The following ZDHHC6 variants were observed in gnomAD, a reference collection of about 807,000 sequenced individuals.
ZDHHC6 encodes palmitoyltransferase ZDHHC6.
A neutral mutation model predicts 57.8 loss-of-function variants in ZDHHC6; 32 were observed. The observed-to-expected ratio is 0.55, with a 90% confidence interval of 0.42 to 0.74. ZDHHC6 has a LOEUF of 0.74. ZDHHC6 is among the 30% of genes least tolerant of loss of function. The pLI is 0.00. For synonymous variants in ZDHHC6, 128 were observed against 158.0 expected (o/e 0.81, Z 1.42); for missense variants, 433 against 500.7 (o/e 0.86, Z 1.29).
At chr10:112,441,035 C>T (rs1846069285) in intron 4 of ZDHHC6, among the ~76,000 whole-genome samples, 1 of 152,034 alleles carries the variant, frequency 6.6e-6, no homozygotes, top group Non-Finnish European at 1.5e-5. Context: ...TTAGTAGAGA[C>T]AGGTGTCACC....
exon 12 of ZDHHC6, chr10:112,424,760 C>A (rs1440421227): frequency 6.6e-6 from 1 of 152,142 alleles, no homozygotes; most frequent in Non-Finnish European, 1.5e-5. Context: ...CTCCTCAGAC[C>A]AATTAGTTCA....
At chr10:112,447,559 C>T, upstream of ZDHHC6, 6 of 1,431,708 alleles carry the variant, frequency 4.2e-6, no homozygotes, top group South Asian at 1.2e-5. Flanking sequence ...GTCTATGAGG[C>T]GCGAGGCTGG....
At chr10:112,439,784 T>C (rs1475758819) in intron 5 of ZDHHC6, among the ~76,000 whole-genome samples, 1 of 151,916 alleles carries the variant, frequency 6.6e-6, no homozygotes, top group Non-Finnish European at 1.5e-5. Flanking sequence ...TAGTTAACTG[T>C]TTAATATTAA....
rs144621655 is a variant in ZDHHC6, at chr10:112,438,089, T to C, written c.735+247A>G. Among the ~76,000 whole-genome samples the C allele has an allele frequency of 2.2e-3, 329 of 152,344 alleles. 2 individuals carry two copies. Among genetic ancestry groups the C allele is most frequent in the African/African-American group, 7.5e-3 (312 of 41,576 alleles). On this transcript the variant is annotated intron_variant, in intron 6 of 10. Coordinates refer to ENST00000369405, the MANE Select transcript of ZDHHC6 (RefSeq NM_022494.3). ...TGGTTTGACGTGTGGCTTAGGCCTC[T>C]GCGACCACTCAGGGTGTATGAGAAG...
chr10:112,440,440 C>A (rs1037282101), intron 5 of ZDHHC6, 94 bp downstream of exon 5: 2 of 1,296,570 alleles, frequency 1.5e-6, no homozygotes, highest in East Asian at 2.6e-5. Context: ...ATTTCCATTT[C>A]ATACTGGACA....
Position 112,442,296 on chromosome 10 carries a change from G to C in ZDHHC6, c.415C>G (p.Gln139Glu), listed in dbSNP as rs1846188317. Residue 139 changes from glutamine (Q) to glutamate (E), a missense_variant, in exon 4 of 11, where the codon CAA becomes GAA. Coordinates refer to ENST00000369405, the MANE Select transcript of ZDHHC6 (RefSeq NM_022494.3). Reference sequence around the variant, plus strand: ...AACAGTGTGAACGAAGCATGATTTTGGTAACCACAACAGTTGTTGATCCAA... The same window carrying C: ...AACAGTGTGAACGAAGCATGATTTTCGTAACCACAACAGTTGTTGATCCAA... ...CPWINNCCGY[Q>E]NHASFTLFLL... is the part of the protein sequence containing the mutation. The C allele has an allele frequency of 6.2e-7, 1 of 1,613,894 alleles. No individual in the cohort carries two copies. Among genetic ancestry groups the C allele is most frequent in the East Asian group, 2.2e-5 (1 of 44,840 alleles).
chr10:112,429,971 G>GT (rs1034849097), downstream of ZDHHC6, among the ~76,000 whole-genome samples: 8 of 151,628 alleles, frequency 5.3e-5, no homozygotes, highest in Admixed American at 2.6e-4. Context: ...GTTGTTGGGG[G>GT]GGGGGTGTGG....
downstream of ZDHHC6, chr10:112,426,515 A>G (rs992947062): frequency 3.1e-6 from 2 of 644,616 alleles, no homozygotes; most frequent in African/African-American, 3.7e-5. Flanking sequence ...TTTAAAAAAT[A>G]AAACTCTCTT....
At chr10:112,440,261 T>G (rs1407632107) in intron 5 of ZDHHC6, among the ~76,000 whole-genome samples, 1 of 152,186 alleles carries the variant, frequency 6.6e-6, no homozygotes, top group Non-Finnish European at 1.5e-5. Flanking sequence ...CAAGAGAGAC[T>G]GTACAGGTGA....
chr10:112,439,439 T>G (rs1845864100), intron 5 of ZDHHC6, among the ~76,000 whole-genome samples: 1 of 151,644 alleles, frequency 6.6e-6, no homozygotes. Flanking sequence ...AAGACCAGCC[T>G]GGCCAAGATG....
chr10:112,433,122 G>A, intron 8 of ZDHHC6, 118 bp downstream of exon 8: 1 of 736,176 alleles, frequency 1.4e-6, no homozygotes, highest in Admixed American at 3.7e-5. Context: ...AATGTATTAA[G>A]GAATACTATT....
intron 3 of ZDHHC6, 29 bp downstream of exon 3, chr10:112,443,486 C>G (rs1436462343): frequency 6.3e-7 from 1 of 1,593,628 alleles, no homozygotes; most frequent in Non-Finnish European, 8.6e-7. Context: ...GTTGATCAGT[C>G]CTCGCTGAAC....
intron 6 of ZDHHC6, among the ~76,000 whole-genome samples, chr10:112,434,754 T>C (rs532882221): frequency 2.0e-5 from 3 of 152,224 alleles, no homozygotes; most frequent in Non-Finnish European, 4.4e-5. Flanking sequence ...ATCTCATACA[T>C]AAAAAGTCCT....
rs774855252 is a variant in ZDHHC6, at chr10:112,438,359, T to C, written c.712A>G (p.Ile238Val). The C allele has an allele frequency of 8.7e-6, 12 of 1,375,860 alleles. No homozygotes were observed. Among genetic ancestry groups the C allele is most frequent in the African/African-American group, 1.5e-5 (1 of 67,292 alleles). 85.2% of individuals were successfully genotyped at this position (1,375,860 alleles called of 1,614,324 possible). A position where few individuals can be genotyped will look rare whatever the true frequency, so the allele number is the denominator to read the frequency against. ...MKIILRNKTS[I>V]ESWIEEKAKD... is the part of the protein sequence containing the mutation. Reference sequence around the variant, plus strand: ...ACCTTCTCTTCAATCCATGACTCAATAGAAGTTTTGTTTCTGAGAATTATT... The same window carrying C: ...ACCTTCTCTTCAATCCATGACTCAACAGAAGTTTTGTTTCTGAGAATTATT... Residue 238 changes from isoleucine (I) to valine (V), a missense_variant, in exon 6 of 11, where the codon ATT (isoleucine) becomes GTT (valine). Physicochemically the swap from Ile to Val is conservative, Grantham distance 29. Coordinates refer to ENST00000369405, the MANE Select transcript of ZDHHC6 (RefSeq NM_022494.3).
At chr10:112,433,402 G>T in intron 7 of ZDHHC6, 121 bp from the exon 8 acceptor site, 4 of 761,412 alleles carry the variant, frequency 5.3e-6, no homozygotes, top group South Asian at 2.4e-5. Flanking sequence ...ATTTCAAGTT[G>T]CTGATAATTT....
chr10:112,447,264 T>C (rs996219742), upstream of ZDHHC6: 30 of 1,185,392 alleles, frequency 2.5e-5, no homozygotes, highest in East Asian at 7.5e-4. Flanking sequence ...TTCTCCGTTC[T>C]GCTCTCGGGG....
At chr10:112,440,338 A>G (rs1845984553) in intron 5 of ZDHHC6, among the ~76,000 whole-genome samples, 196 bp downstream of exon 5, 1 of 152,236 alleles carries the variant, frequency 6.6e-6, no homozygotes, top group Non-Finnish European at 1.5e-5. Context: ...TTTAAAAACT[A>G]AATCAATACC....
intron 5 of ZDHHC6, 35 bp from the exon 6 acceptor site, chr10:112,438,424 G>C: frequency 7.6e-7 from 1 of 1,319,080 alleles, no homozygotes; most frequent in Non-Finnish European, 1.0e-6. Context: ...TTAATAATGC[G>C]ACCTTGGTTC....
chr10:112,431,707 C>T (rs1325187878), intron 10 of ZDHHC6, among the ~76,000 whole-genome samples: 1 of 151,498 alleles, frequency 6.6e-6, no homozygotes, highest in African/African-American at 2.4e-5. Flanking sequence ...CTAATCTTTA[C>T]TTTAAAAAGA....
Sources: allele counts gnomAD v4.1 joint callset (sites outside exome capture counted in the v4.1 genomes callset), GRCh38; gene constraint gnomAD v4.1.1; transcripts MANE v1.5; gene names NCBI Gene and HGNC (gene_info 2026-07-23, HGNC 2026-07-21).